The following BMAL1 variants were observed in gnomAD, a reference collection of about 807,000 sequenced individuals.
BMAL1 encodes basic helix-loop-helix ARNT-like protein 1.
the BMAL1 span, among the ~76,000 whole-genome samples, chr11:13,279,096 C>G: frequency 6.6e-6 from 1 of 152,222 alleles, no homozygotes; most frequent in African/African-American, 2.4e-5. Flanking sequence ...ACCCCTCTCC[C>G]CTCTCCGCCT....
the BMAL1 span, among the ~76,000 whole-genome samples, chr11:13,306,483 G>A: frequency 1.2e-4 from 19 of 152,368 alleles, no homozygotes; most frequent in South Asian, 6.2e-4. Context: ...GGGTCTAAGC[G>A]TGGCAGAGGG....
the BMAL1 span, among the ~76,000 whole-genome samples, chr11:13,277,408 G>A: frequency 2.6e-5 from 4 of 152,328 alleles, no homozygotes; most frequent in African/African-American, 9.6e-5. Flanking sequence ...AGACCTGAGG[G>A]GAAAGGGAGA....
At chr11:13,346,916 G>A in the BMAL1 span, among the ~76,000 whole-genome samples, 2 of 152,220 alleles carry the variant, frequency 1.3e-5, no homozygotes, top group Non-Finnish European at 2.9e-5. Context: ...AGGCACCTCT[G>A]TTGGCTCAAA....
chr11:13,339,380 T>C, the BMAL1 span, among the ~76,000 whole-genome samples: 4 of 151,636 alleles, frequency 2.6e-5, no homozygotes, highest in Non-Finnish European at 5.9e-5. Context: ...ATAGCATCTC[T>C]TCCCCGGACT....
the BMAL1 span, among the ~76,000 whole-genome samples, chr11:13,313,630 C>T: frequency 7.9e-5 from 12 of 152,262 alleles, no homozygotes; most frequent in South Asian, 2.5e-3. Context: ...CTCTGTCTCT[C>T]CACTCCTGTG....
the BMAL1 span, among the ~76,000 whole-genome samples, chr11:13,312,144 T>TTA: frequency 6.6e-6 from 1 of 152,212 alleles, no homozygotes. Flanking sequence ...TGAACACTCA[T>TTA]TATGTACTAA....
the BMAL1 span, among the ~76,000 whole-genome samples, chr11:13,303,968 C>T: frequency 6.6e-6 from 1 of 152,068 alleles, no homozygotes; most frequent in Non-Finnish European, 1.5e-5. Flanking sequence ...ACAAAAGGAG[C>T]AGCAAGACAA....
At chr11:13,382,928 T>C in the BMAL1 span, among the ~76,000 whole-genome samples, 2 of 152,172 alleles carry the variant, frequency 1.3e-5, no homozygotes, top group Non-Finnish European at 2.9e-5. Context: ...GCCCCAGCTA[T>C]TTTTGAGGCA....
At chr11:13,295,631 A>G in the BMAL1 span, among the ~76,000 whole-genome samples, 2 of 152,180 alleles carry the variant, frequency 1.3e-5, no homozygotes, top group African/African-American at 2.4e-5. Flanking sequence ...GGCATAAGCT[A>G]GGGACTGGCT....
chr11:13,374,270 C>A, the BMAL1 span: 1 of 1,411,480 alleles, frequency 7.1e-7, no homozygotes, highest in Non-Finnish European at 9.9e-7. Flanking sequence ...TCAACATGAC[C>A]TTCCAGGGAA....
chr11:13,292,587 A>C, the BMAL1 span, among the ~76,000 whole-genome samples: 1,261 of 152,218 alleles, frequency 8.3e-3, 18 homozygotes, highest in African/African-American at 0.029. Flanking sequence ...TAAAGTATTT[A>C]ATTGGTGGCA....
the BMAL1 span, among the ~76,000 whole-genome samples, chr11:13,279,880 C>T: frequency 2.0e-5 from 3 of 152,148 alleles, no homozygotes; most frequent in Non-Finnish European, 4.4e-5. Flanking sequence ...TTTATTCAAC[C>T]CTCTGAAGAA....
the BMAL1 span, among the ~76,000 whole-genome samples, chr11:13,359,013 T>A: frequency 1.3e-5 from 2 of 152,208 alleles, no homozygotes; most frequent in Admixed American, 6.5e-5. Flanking sequence ...CATGGTTCCT[T>A]TGAAAAGTGA....
At chr11:13,379,216 G>T in the BMAL1 span, 2 of 152,240 alleles carry the variant, frequency 1.3e-5, no homozygotes, top group Non-Finnish European at 2.9e-5. Context: ...CTGTCTTTAA[G>T]AGCAGTCGAG....
the BMAL1 span, chr11:13,381,358 T>G: frequency 1.8e-6 from 2 of 1,086,290 alleles, no homozygotes; most frequent in Non-Finnish European, 2.8e-6. Context: ...TGAAACAATT[T>G]GGACTACTTC....
chr11:13,338,311 GA>G, the BMAL1 span, among the ~76,000 whole-genome samples: 1 of 152,130 alleles, frequency 6.6e-6, no homozygotes, highest in Non-Finnish European at 1.5e-5. Flanking sequence ...ACATTCAGAC[GA>G]ACATTTTAGA....
the BMAL1 span, among the ~76,000 whole-genome samples, chr11:13,321,641 G>A: frequency 6.6e-6 from 1 of 152,136 alleles, no homozygotes; most frequent in East Asian, 1.9e-4. Context: ...CCCACATGGG[G>A]CAATGACAGC....
chr11:13,313,001 A>G, the BMAL1 span, among the ~76,000 whole-genome samples: 1 of 152,252 alleles, frequency 6.6e-6, no homozygotes, highest in Non-Finnish European at 1.5e-5. Flanking sequence ...GGCCTGTCCA[A>G]GAAGTGAGAC....
the BMAL1 span, among the ~76,000 whole-genome samples, chr11:13,383,781 G>T: frequency 6.6e-6 from 1 of 152,172 alleles, no homozygotes; most frequent in Non-Finnish European, 1.5e-5. Flanking sequence ...AGCCCAGGAG[G>T]TTGAGGCTGC....
Sources: allele counts gnomAD v4.1 joint callset (sites outside exome capture counted in the v4.1 genomes callset), GRCh38; gene constraint gnomAD v4.1.1; transcripts MANE v1.5; gene names NCBI Gene and HGNC (gene_info 2026-07-23, HGNC 2026-07-21).